Variants in PAPSS1 observed in about 807,000 individuals in gnomAD.
PAPSS1 encodes the protein bifunctional 3'-phosphoadenosine 5'-phosphosulfate synthase 1.
A neutral mutation model predicts 72.0 loss-of-function variants in PAPSS1; 50 were observed. That is an observed-to-expected ratio of 0.69 (90% CI 0.55 to 0.88). PAPSS1 has a LOEUF of 0.88. PAPSS1 is among the 40% of genes least tolerant of loss of function. The pLI is 0.00. For missense variants in PAPSS1, 657 were observed against 782.2 expected (o/e 0.84, Z 1.91); for synonymous variants, 261 against 263.6 (o/e 0.99, Z 0.09).
At position 107,645,088 on chromosome 4, in the gene PAPSS1, A is replaced by AGCT. The variant is rs1187210467; in HGVS notation, c.1238-19_1238-18insAGC. 1 of 1,489,102 alleles carries AGCT rather than the reference A, an allele frequency of 6.7e-7. No individual in the cohort carries two copies. Among genetic ancestry groups the AGCT allele is most frequent in the Admixed American group, 2.3e-5 (1 of 42,866 alleles). The allele number at this position is 1,489,102 out of a possible 1,614,324, so 92.2% of individuals were successfully genotyped here. A position where few individuals can be genotyped will look rare whatever the true frequency, so the allele number is the denominator to read the frequency against. Reference sequence around the variant, plus strand: ...GACAGCATCTGAAAAGAGAATTTCCAGAGTTAAGAATAGCATGTTTCTAAC... The same window carrying AGCT: ...GACAGCATCTGAAAAGAGAATTTCCAGCTGAGTTAAGAATAGCATGTTTCTAAC... On this transcript the variant is annotated intron_variant, in intron 9 of 11. Transcript: ENST00000265174.
chr4:107,620,440 A>T (rs1209830566), intron 11 of PAPSS1, among the ~76,000 whole-genome samples: 2 of 152,220 alleles, frequency 1.3e-5, no homozygotes, highest in Non-Finnish European at 2.9e-5. Flanking sequence ...CAAACCAAAG[A>T]CCAATTGAAA....
intron 9 of PAPSS1, among the ~76,000 whole-genome samples, chr4:107,647,967 T>C (rs1726737417): frequency 6.6e-6 from 1 of 152,142 alleles, no homozygotes; most frequent in Non-Finnish European, 1.5e-5. Flanking sequence ...CATTGCTCAT[T>C]ACCTACCTCT....
At chr4:107,683,805 C>A (rs1178384094) in intron 4 of PAPSS1, among the ~76,000 whole-genome samples, 1 of 152,034 alleles carries the variant, frequency 6.6e-6, no homozygotes, top group Non-Finnish European at 1.5e-5. Flanking sequence ...TATACACAAT[C>A]TTGTCTGTGC....
intron 1 of PAPSS1, chr4:107,719,879 C>A (rs2074371): frequency 0.58 from 786,382 of 1,347,476 alleles, 234,639 homozygotes; most frequent in Middle Eastern, 0.65. Flanking sequence ...GCGTTCTTCC[C>A]ACGAACGGTG....
intron 1 of PAPSS1, among the ~76,000 whole-genome samples, chr4:107,701,765 T>C (rs1478201775): frequency 2.0e-5 from 3 of 152,138 alleles, no homozygotes; most frequent in Non-Finnish European, 2.9e-5. Flanking sequence ...CAGAGAGTGA[T>C]AAGTGCACTG....
At chr4:107,630,252 C>T (rs980002255) in intron 11 of PAPSS1, among the ~76,000 whole-genome samples, 2 of 152,144 alleles carry the variant, frequency 1.3e-5, no homozygotes, top group African/African-American at 4.8e-5. Flanking sequence ...TGTTTTAATT[C>T]CATTTTCCAC....
At chr4:107,667,681 T>G (rs533748491) in intron 5 of PAPSS1, among the ~76,000 whole-genome samples, 107 of 152,350 alleles carry the variant, frequency 7.0e-4, no homozygotes, top group African/African-American at 2.5e-3. Context: ...TAAAATTTAC[T>G]TAGTTTATTT....
chr4:107,635,682 C>T (rs1450440268), intron 10 of PAPSS1, among the ~76,000 whole-genome samples: 2 of 151,770 alleles, frequency 1.3e-5, no homozygotes, highest in Non-Finnish European at 2.9e-5. Flanking sequence ...AAAATAAAAC[C>T]ACTTAAAAAA....
intron 11 of PAPSS1, among the ~76,000 whole-genome samples, chr4:107,622,668 C>A (rs533201150): frequency 6.6e-6 from 1 of 152,296 alleles, no homozygotes; most frequent in South Asian, 2.1e-4. Context: ...GCAAAATACA[C>A]AAAATCTTTT....
rs947942433 is a variant in PAPSS1, at chr4:107,614,147, A to G, written c.*102T>C. On this transcript the variant is annotated 3_prime_UTR_variant, in exon 12 of 12. Coordinates refer to ENST00000265174, the MANE Select transcript of PAPSS1 (RefSeq NM_005443.5). ...TTAAGGAAAATGGTCTGTTTTTAGG[A>G]AGCATGTCCAGACAGACACCACAAA... 5.7e-6 allele frequency: 7 copies of G among 1,230,460 alleles called. No individual in the cohort carries two copies. In the African/African-American group the frequency reaches 1.1e-4, roughly 19 times the overall value. 76.2% of individuals were successfully genotyped at this position (1,230,460 alleles called of 1,614,324 possible).
chr4:107,635,012 A>C (rs960660804), intron 10 of PAPSS1, among the ~76,000 whole-genome samples: 2 of 151,948 alleles, frequency 1.3e-5, no homozygotes, highest in Admixed American at 1.3e-4. Context: ...GTTAGCCAGG[A>C]TGGTCTCGAT....
rs142260787 is a variant in PAPSS1 at position 107,659,990 on chromosome 4, G to T, written c.752C>A (p.Ala251Glu). 4.6e-5 allele frequency: 73 copies of T among 1,602,660 alleles called. No individual in the cohort carries two copies. In the Admixed American group the frequency reaches 6.6e-4, roughly 15 times the overall value. ...ENKLHLAKTD[A>E]ETLPALKINK... ...AATTTTCAGTGCTGGTAATGTTTCC[G>T]CATCTGTTTTTGCCAAATGAAGTTT... The change falls in exon 6 of 12, where the codon GCG becomes GAG. Residue 251 changes from alanine to glutamate, a missense_variant. Coordinates refer to ENST00000265174, the MANE Select transcript of PAPSS1 (RefSeq NM_005443.5).
chr4:107,676,929 T>C (rs1727667234), intron 5 of PAPSS1, among the ~76,000 whole-genome samples: 1 of 152,172 alleles, frequency 6.6e-6, no homozygotes, highest in African/African-American at 2.4e-5. Context: ...AAATAAGAAA[T>C]GGGGAAACGA....
At position 107,713,303 on chromosome 4, in the gene PAPSS1, A is replaced by G. The variant is rs141790648; in HGVS notation, c.60+6817T>C. On this transcript the variant is annotated intron_variant, in intron 1 of 11. Transcript: ENST00000265174. Reference sequence around the variant, plus strand: ...CATAACCCATAGAGACAGAAAGTACATTATTGGTTGTCAGGGGCTAGGAGA... The same window carrying G: ...CATAACCCATAGAGACAGAAAGTACGTTATTGGTTGTCAGGGGCTAGGAGA... 8.7e-3 allele frequency among the ~76,000 whole-genome samples: 1,329 copies of G among 152,290 alleles called. 9 individuals are homozygous for G. The highest frequency in any genetic ancestry group is 0.012 in the Non-Finnish European group (820 of 68,018).
intron 3 of PAPSS1, among the ~76,000 whole-genome samples, chr4:107,688,279 T>G (rs1042548599): frequency 2.0e-5 from 3 of 152,110 alleles, no homozygotes; most frequent in Non-Finnish European, 4.4e-5. Context: ...GTTCACCCAT[T>G]TAAAACAAAA....
intron 11 of PAPSS1, among the ~76,000 whole-genome samples, chr4:107,617,864 GTCCATGCAGA>G (rs1424403481): frequency 6.6e-6 from 1 of 152,132 alleles, no homozygotes; most frequent in Non-Finnish European, 1.5e-5. Context: ...TGATATACGG[GTCCATGCAGA>G]TGAGCTGGTT....
chr4:107,719,848 C>A, intron 1 of PAPSS1: 1 of 1,333,154 alleles, frequency 7.5e-7, no homozygotes, highest in Non-Finnish European at 9.6e-7. Flanking sequence ...CTTACCTGAG[C>A]GGAGGCGCTG....
At chr4:107,633,198 TC>T (rs1355077070) in intron 10 of PAPSS1, among the ~76,000 whole-genome samples, 2 of 152,248 alleles carry the variant, frequency 1.3e-5, no homozygotes. Flanking sequence ...AGGTTCTTAT[TC>T]CCCAACAGGT....
At chr4:107,622,124 C>T (rs572640806) in intron 11 of PAPSS1, among the ~76,000 whole-genome samples, 3 of 152,252 alleles carry the variant, frequency 2.0e-5, no homozygotes, top group South Asian at 2.1e-4. Flanking sequence ...GGTCAAACCC[C>T]ATCAGGGCTT....
Sources: gnomAD v4.1 joint callset for allele counts (sites outside exome capture counted in the v4.1 genomes callset) on GRCh38, gnomAD v4.1.1 for gene constraint, MANE v1.5 for transcripts, NCBI Gene and HGNC (gene_info 2026-07-23, HGNC 2026-07-21) for gene names.